The following CCNY variants were observed in gnomAD, a reference collection of about 807,000 sequenced individuals.
CCNY encodes cyclin-Y.
Under a neutral mutation model 42.8 loss-of-function variants are expected in CCNY, and 19 were observed. The observed-to-expected ratio is 0.44, with a 90% confidence interval of 0.31 to 0.65. The LOEUF is 0.65. CCNY is among the 30% of genes least tolerant of loss of function. The probability of loss-of-function intolerance (pLI) is 0.07; values close to 1 mark genes in which losing one functional copy is unlikely to be tolerated. For missense variants in CCNY, 370 were observed against 437.3 expected, an observed-to-expected ratio of 0.85 and a Z score of 1.37; for synonymous variants, 165 against 162.7, an observed-to-expected ratio of 1.01 and a Z score of -0.11.
chr10:35,262,898 C>T (rs1408733569), intron 3 of CCNY, among the ~76,000 whole-genome samples: 1 of 150,280 alleles, frequency 6.7e-6, no homozygotes, highest in Non-Finnish European at 1.5e-5. Context: ...GAAAAAAATT[C>T]TCACTCTAAG....
intron 3 of CCNY, among the ~76,000 whole-genome samples, chr10:35,289,062 T>G (rs1835384335): frequency 6.6e-6 from 1 of 152,176 alleles, no homozygotes; most frequent in Non-Finnish European, 1.5e-5. Context: ...TAGATATCTC[T>G]CCATTTACTG....
At chr10:35,250,118 C>T (rs748107910) in intron 2 of CCNY, among the ~76,000 whole-genome samples, 2 of 146,838 alleles carry the variant, frequency 1.4e-5, no homozygotes, top group African/African-American at 2.6e-5. Flanking sequence ...GGCGTGAACC[C>T]GGGAGGCAGA....
At chr10:35,308,533 C>G (rs1018560411) in intron 3 of CCNY, among the ~76,000 whole-genome samples, 3 of 152,064 alleles carry the variant, frequency 2.0e-5, no homozygotes, top group African/African-American at 7.2e-5. Flanking sequence ...GCCTGCGTGA[C>G]AGAGTGAGCC....
chr10:35,444,813 T>C (rs1838756311), intron 1 of CCNY, among the ~76,000 whole-genome samples: 1 of 152,140 alleles, frequency 6.6e-6, no homozygotes, highest in South Asian at 2.1e-4. Flanking sequence ...ACGTGGAGAA[T>C]GGATGTAGGG....
intron 1 of CCNY, among the ~76,000 whole-genome samples, chr10:35,414,657 C>T (rs1431132892): frequency 6.6e-6 from 1 of 152,270 alleles, no homozygotes; most frequent in African/African-American, 2.4e-5. Context: ...AGTAGGACTC[C>T]GTGATACATC....
intron 1 of CCNY, among the ~76,000 whole-genome samples, chr10:35,418,895 A>G (rs916983797): frequency 3.3e-5 from 5 of 151,416 alleles, no homozygotes; most frequent in Admixed American, 2.0e-4. Context: ...ATCTCTGCTC[A>G]CTGCAACCTC....
chr10:35,287,457 A>AC (rs1835366970), intron 3 of CCNY, among the ~76,000 whole-genome samples: 1 of 152,146 alleles, frequency 6.6e-6, no homozygotes, highest in Non-Finnish European at 1.5e-5. Flanking sequence ...TATTTCTATC[A>AC]CCCCTAAAAG....
intron 1 of CCNY, among the ~76,000 whole-genome samples, chr10:35,442,101 GGTA>G (rs781744400): frequency 2.6e-5 from 4 of 152,142 alleles, no homozygotes; most frequent in Admixed American, 2.6e-4. Context: ...AGTGTACCTG[GGTA>G]TAACACATGG....
intron 3 of CCNY, among the ~76,000 whole-genome samples, chr10:35,509,718 C>G (rs1318800969): frequency 2.0e-5 from 3 of 152,206 alleles, no homozygotes; most frequent in African/African-American, 7.2e-5. Context: ...GTGCTTTCCT[C>G]TCTCCCAGCC....
intron 2 of CCNY, 76 bp downstream of exon 2, chr10:35,483,554 G>T (rs969470024): frequency 7.6e-6 from 7 of 915,316 alleles, no homozygotes; most frequent in Non-Finnish European, 1.2e-5. Flanking sequence ...TTTCCCACAG[G>T]ATTTAATTTT....
At chr10:35,452,152 CA>C (rs1301298016) in intron 1 of CCNY, among the ~76,000 whole-genome samples, 3 of 152,158 alleles carry the variant, frequency 2.0e-5, no homozygotes, top group African/African-American at 2.4e-5. Flanking sequence ...AGAGAACATA[CA>C]GTAAATAATG....
At chr10:35,380,747 C>T (rs946928834) in intron 1 of CCNY, among the ~76,000 whole-genome samples, 4 of 152,164 alleles carry the variant, frequency 2.6e-5, no homozygotes, top group African/African-American at 9.7e-5. Context: ...TCTCCCAGTC[C>T]GCAGCCAGCC....
chr10:35,438,968 G>A (rs145917427), intron 1 of CCNY, among the ~76,000 whole-genome samples: 436 of 152,190 alleles, frequency 2.9e-3, no homozygotes, highest in African/African-American at 9.4e-3. Flanking sequence ...TCAATCCCTG[G>A]CAAGCATCGT....
chr10:35,256,899 A>T (rs1256291695), intron 3 of CCNY, among the ~76,000 whole-genome samples: 2 of 152,202 alleles, frequency 1.3e-5, no homozygotes, highest in Non-Finnish European at 2.9e-5. Flanking sequence ...AAAAAACAAA[A>T]TGTGGAATTA....
Position 35,569,266 on chromosome 10 carries a change from C to G in CCNY, c.*96C>G. 1.2e-6 allele frequency: 1 copy of G among 809,060 alleles called. No homozygotes were observed. Among genetic ancestry groups the G allele is most frequent in the African/African-American group, 1.7e-5 (1 of 58,776 alleles). 50.1% of individuals were successfully genotyped at this position (809,060 alleles called of 1,614,324 possible). A position where few individuals can be genotyped will look rare whatever the true frequency, so the allele number is the denominator to read the frequency against. On this transcript the variant is annotated 3_prime_UTR_variant, in exon 10 of 10. Transcript: ENST00000374704. ...GTGGGTTTGTTTTTGTTTTTTCTTT[C>G]CTTTTCTTTTTTTACGCATAGCTCC...
At chr10:35,281,980 T>C (rs1022298342) in intron 3 of CCNY, among the ~76,000 whole-genome samples, 1 of 152,156 alleles carries the variant, frequency 6.6e-6, no homozygotes, top group Non-Finnish European at 1.5e-5. Flanking sequence ...CTAGAACTCT[T>C]GGCAGCAGCT....
intron 1 of CCNY, among the ~76,000 whole-genome samples, chr10:35,394,617 A>G (rs992199351): frequency 2.8e-4 from 43 of 152,308 alleles, no homozygotes; most frequent in African/African-American, 8.4e-4. Context: ...CATGGCTTTC[A>G]CGCTGAGTTG....
chr10:35,547,229 T>C (rs187708495), intron 7 of CCNY, among the ~76,000 whole-genome samples: 46 of 152,290 alleles, frequency 3.0e-4, no homozygotes, highest in Admixed American at 3.0e-3. Flanking sequence ...TCTAAAACAT[T>C]AGCTTATTCT....
At chr10:35,353,224 G>A (rs116675704) in intron 1 of CCNY, among the ~76,000 whole-genome samples, 2,479 of 152,292 alleles carry the variant, frequency 0.016, 56 homozygotes, top group East Asian at 0.056. Flanking sequence ...ACCACACGTG[G>A]TGGGTATATG....
Sources: gnomAD v4.1 joint callset for allele counts (sites outside exome capture counted in the v4.1 genomes callset) on GRCh38, gnomAD v4.1.1 for gene constraint, MANE v1.5 for transcripts, NCBI Gene and HGNC (gene_info 2026-07-23, HGNC 2026-07-21) for gene names.